The following ARHGAP15 variants were observed in gnomAD, a reference collection of about 807,000 sequenced individuals.
ARHGAP15 encodes Rho GTPase activating protein 15.
ARHGAP15 carries 51 observed loss-of-function variants against 63.7 expected under a neutral mutation model. The ratio of observed to expected loss-of-function variants is 0.80; its 90% CI spans 0.64 to 1.01. The LOEUF (loss-of-function observed/expected upper bound fraction) is 1.01. ARHGAP15 is among the 50% of genes least tolerant of loss of function. ARHGAP15 has a pLI of 0.00. For missense variants in ARHGAP15, 560 were observed against 564.6 expected (o/e 0.99, Z 0.08); for synonymous variants, 191 against 193.8 (o/e 0.99, Z 0.12).
At chr2:143,154,388 G>A (rs1689996876) in intron 1 of ARHGAP15, among the ~76,000 whole-genome samples, 1 of 151,790 alleles carries the variant, frequency 6.6e-6, no homozygotes, top group Non-Finnish European at 1.5e-5. Context: ...AATGATTCTA[G>A]CCTCATTGTC....
chr2:143,214,033 A>T (rs1352103323), intron 3 of ARHGAP15, among the ~76,000 whole-genome samples: 2 of 152,218 alleles, frequency 1.3e-5, no homozygotes, highest in African/African-American at 4.8e-5. Flanking sequence ...TTCTCCCTAT[A>T]AGAGTATTAG....
At chr2:143,326,696 T>C (rs1457440079) in intron 6 of ARHGAP15, among the ~76,000 whole-genome samples, 1 of 152,128 alleles carries the variant, frequency 6.6e-6, no homozygotes, top group Non-Finnish European at 1.5e-5. Flanking sequence ...TACCCTGTGA[T>C]ATTTAAATGA....
intron 6 of ARHGAP15, among the ~76,000 whole-genome samples, chr2:143,312,015 T>G (rs1683471442): frequency 6.6e-6 from 1 of 152,120 alleles, no homozygotes; most frequent in African/African-American, 2.4e-5. Context: ...ATTACACACA[T>G]GCATATGGAG....
At chr2:143,691,600 A>G (rs969675060) in intron 12 of ARHGAP15, among the ~76,000 whole-genome samples, 2 of 152,288 alleles carry the variant, frequency 1.3e-5, no homozygotes, top group Admixed American at 1.3e-4. Flanking sequence ...CAACTTTTTC[A>G]AGTACTGTTT....
intron 1 of ARHGAP15, among the ~76,000 whole-genome samples, chr2:143,130,260 G>A (rs1688868716): frequency 6.6e-6 from 1 of 152,010 alleles, no homozygotes; most frequent in African/African-American, 2.4e-5. Flanking sequence ...GTCCTAAACT[G>A]ACATGTAATT....
intron 6 of ARHGAP15, among the ~76,000 whole-genome samples, chr2:143,381,506 T>G (rs1183438523): frequency 6.6e-6 from 1 of 152,122 alleles, no homozygotes; most frequent in Admixed American, 6.6e-5. Context: ...GAAAAATAAA[T>G]CTCTTATATT....
At chr2:143,324,655 G>A (rs1274356318) in intron 6 of ARHGAP15, among the ~76,000 whole-genome samples, 1 of 152,094 alleles carries the variant, frequency 6.6e-6, no homozygotes, top group Non-Finnish European at 1.5e-5. Flanking sequence ...TTCAGATTTT[G>A]TATGCTGGTC....
At chr2:143,289,768 C>T (rs1342300117) in intron 6 of ARHGAP15, among the ~76,000 whole-genome samples, 1 of 152,160 alleles carries the variant, frequency 6.6e-6, no homozygotes, top group Non-Finnish European at 1.5e-5. Context: ...CCTTTCAATT[C>T]TTACCTAGTG....
Position 143,129,466 on chromosome 2 carries a change from G to A in ARHGAP15, c.-15G>A, listed in dbSNP as rs1240372775. ...CAATAACAGGTCATTGCCGAGAAAA[G>A]GTAAGTTTTAACTTTATATTGTACA... On this transcript the variant is annotated splice_region_variant and 5_prime_UTR_variant, in exon 1 of 14. Transcript: ENST00000295095. 1.3e-5 allele frequency: 2 copies of A among 152,106 alleles called. No homozygotes were observed. The highest frequency in any genetic ancestry group is 6.6e-5 in the Admixed American group (1 of 15,264). The allele number at this position is 152,106 out of a possible 1,614,324, so 9.4% of individuals were successfully genotyped here.
intron 3 of ARHGAP15, among the ~76,000 whole-genome samples, chr2:143,211,345 G>A (rs1005332527): frequency 1.5e-5 from 2 of 131,088 alleles, no homozygotes; most frequent in South Asian, 2.9e-4. Context: ...AAAAAATGGC[G>A]GGCGTGGGTG....
intron 6 of ARHGAP15, among the ~76,000 whole-genome samples, chr2:143,379,343 A>ATG (rs1553471602): frequency 0.034 from 5,109 of 148,870 alleles, 162 homozygotes; most frequent in African/African-American, 0.085. Context: ...TTTTTTAGGC[A>ATG]TATATATATA....
chr2:143,555,403 C>A (rs1695742043), intron 10 of ARHGAP15, among the ~76,000 whole-genome samples: 1 of 152,186 alleles, frequency 6.6e-6, no homozygotes, highest in Non-Finnish European at 1.5e-5. Flanking sequence ...ACCTCTGCAT[C>A]TGCTGGCAAT....
chr2:143,380,444 T>C (rs1687014275), intron 6 of ARHGAP15, among the ~76,000 whole-genome samples: 1 of 152,088 alleles, frequency 6.6e-6, no homozygotes, highest in Non-Finnish European at 1.5e-5. Flanking sequence ...ATAGTCCTGC[T>C]TTTGCCCTAT....
intron 10 of ARHGAP15, among the ~76,000 whole-genome samples, chr2:143,545,693 G>T (rs1285223526): frequency 6.6e-6 from 1 of 151,756 alleles, no homozygotes; most frequent in African/African-American, 2.4e-5. Context: ...TTAATAATGT[G>T]TTATAAATAA....
At chr2:143,509,771 C>A (rs542055130) in intron 9 of ARHGAP15, among the ~76,000 whole-genome samples, 22 of 152,120 alleles carry the variant, frequency 1.4e-4, no homozygotes, top group African/African-American at 5.1e-4. Flanking sequence ...ACCTATAATT[C>A]CAGCACCTTG....
intron 9 of ARHGAP15, among the ~76,000 whole-genome samples, chr2:143,494,259 A>T (rs1692716387): frequency 6.6e-6 from 1 of 152,020 alleles, no homozygotes; most frequent in South Asian, 2.1e-4. Context: ...CTTTTCTCAA[A>T]TTTTGAAAGA....
chr2:143,375,877 T>C (rs369097345), intron 6 of ARHGAP15, among the ~76,000 whole-genome samples: 2 of 152,276 alleles, frequency 1.3e-5, no homozygotes, highest in East Asian at 3.9e-4. Flanking sequence ...CTTTTTTCGG[T>C]GATGGTTGTT....
chr2:143,579,983 A>G (rs1180446825), intron 11 of ARHGAP15, among the ~76,000 whole-genome samples: 1 of 143,650 alleles, frequency 7.0e-6, no homozygotes, highest in African/African-American at 2.5e-5. Context: ...AATAAAACAA[A>G]TGTTTCTTCA....
At chr2:143,473,889 A>G (rs1056362459) in intron 8 of ARHGAP15, among the ~76,000 whole-genome samples, 3 of 152,176 alleles carry the variant, frequency 2.0e-5, no homozygotes, top group African/African-American at 7.2e-5. Context: ...GGAGGCCTTT[A>G]AAACCCAAAG....
Sources: gnomAD v4.1 joint callset for allele counts (sites outside exome capture counted in the v4.1 genomes callset) on GRCh38, gnomAD v4.1.1 for gene constraint, MANE v1.5 for transcripts, NCBI Gene and HGNC (gene_info 2026-07-23, HGNC 2026-07-21) for gene names.